The following ROBO1 variants were observed in gnomAD, a reference collection of about 807,000 sequenced individuals.
ROBO1 encodes the protein roundabout guidance receptor 1.
In ROBO1, 149 loss-of-function variants were observed where a neutral mutation model predicts 195.9. The observed-to-expected ratio is 0.76, with a 90% confidence interval of 0.67 to 0.87. ROBO1 has a LOEUF of 0.87. Ranked by LOEUF, ROBO1 falls within the 40% of genes least tolerant of loss-of-function variation. The pLI is 0.00. For synonymous variants in ROBO1, 816 were observed against 733.2 expected (o/e 1.11, Z -1.82); for missense variants, 1,933 against 2,068.3 (o/e 0.93, Z 1.27).
At chr3:78,650,422 G>T (rs1416115755) in intron 19 of ROBO1, among the ~76,000 whole-genome samples, 1 of 152,156 alleles carries the variant, frequency 6.6e-6, no homozygotes, top group Non-Finnish European at 1.5e-5. Context: ...CAGGCAGGCG[G>T]CAAGGAGATT....
chr3:79,371,252 G>T (rs188003883), intron 2 of ROBO1, among the ~76,000 whole-genome samples: 3 of 152,220 alleles, frequency 2.0e-5, no homozygotes, highest in Admixed American at 1.3e-4. Context: ...GACCCTGGAG[G>T]AATTGACACA....
chr3:79,693,422 TC>T (rs1947353459), intron 1 of ROBO1, among the ~76,000 whole-genome samples: 1 of 134,884 alleles, frequency 7.4e-6, no homozygotes. Flanking sequence ...TGTGTGTGTG[TC>T]CTTGTTTTTT....
At chr3:78,752,997 C>T (rs1206435683) in intron 4 of ROBO1, among the ~76,000 whole-genome samples, 1 of 152,034 alleles carries the variant, frequency 6.6e-6, no homozygotes, top group African/African-American at 2.4e-5. Flanking sequence ...TTGGACAAAA[C>T]TCTTATGTCC....
chr3:79,744,449 A>G (rs1339164874), intron 1 of ROBO1, among the ~76,000 whole-genome samples: 1 of 152,196 alleles, frequency 6.6e-6, no homozygotes, highest in African/African-American at 2.4e-5. Flanking sequence ...TGATGTCTGA[A>G]GGTAGGGCCT....
intron 5 of ROBO1, 71 bp from the exon 6 acceptor site, chr3:78,717,954 T>A (rs2081944884): frequency 7.0e-7 from 1 of 1,433,464 alleles, no homozygotes; most frequent in Non-Finnish European, 9.7e-7. Context: ...GATGTCTTCA[T>A]AAGTGAAGAC....
At chr3:79,022,934 A>G (rs1022823597) in intron 3 of ROBO1, among the ~76,000 whole-genome samples, 1 of 152,152 alleles carries the variant, frequency 6.6e-6, no homozygotes, top group Non-Finnish European at 1.5e-5. Flanking sequence ...CAATGATTAT[A>G]TCTTTCATGG....
chr3:79,555,386 A>G (rs1464660296), intron 2 of ROBO1, among the ~76,000 whole-genome samples: 1 of 152,146 alleles, frequency 6.6e-6, no homozygotes, highest in African/African-American at 2.4e-5. Context: ...ATGATTAATT[A>G]GAATAGTCAT....
intron 3 of ROBO1, among the ~76,000 whole-genome samples, chr3:79,038,665 CAGTCAAAAATAATCT>C (rs927843976): frequency 6.7e-6 from 1 of 149,658 alleles, no homozygotes; most frequent in African/African-American, 2.5e-5. Flanking sequence ...TTTTAAAATT[CAGTCAAAAATAATCT>C]ATGAAACATT....
At chr3:79,414,644 C>T (rs1410538015) in intron 2 of ROBO1, among the ~76,000 whole-genome samples, 3 of 152,032 alleles carry the variant, frequency 2.0e-5, no homozygotes, top group African/African-American at 7.2e-5. Flanking sequence ...ACACTTTAGT[C>T]TGCTATAATC....
At chr3:79,496,944 T>C (rs1006430825) in intron 2 of ROBO1, among the ~76,000 whole-genome samples, 7 of 152,230 alleles carry the variant, frequency 4.6e-5, no homozygotes, top group Non-Finnish European at 8.8e-5. Context: ...AATGTTGCTT[T>C]GCTCTCTTAA....
intron 3 of ROBO1, among the ~76,000 whole-genome samples, chr3:79,071,267 G>A (rs990096482): frequency 6.6e-6 from 1 of 151,070 alleles, no homozygotes; most frequent in Non-Finnish European, 1.5e-5. Context: ...CATTTGATTT[G>A]TTTTTTTAAA....
rs552437671 is a variant in ROBO1 at position 79,351,520 on chromosome 3, C to A, written c.89-225981G>T. ...TTTTAAATAACAGTGAACCAAAAAA[C>A]CAAAAAGATATTTTATTTTTACAAA... On this transcript the variant is annotated intron_variant, in intron 2 of 30. Coordinates refer to ENST00000464233, the MANE Select transcript of ROBO1 (RefSeq NM_002941.4). Among the ~76,000 whole-genome samples, 296 of 152,058 alleles carry A rather than the reference C, an allele frequency of 1.9e-3. 1 individual carries two copies. Among genetic ancestry groups the A allele is most frequent in the African/African-American group, 6.2e-3 (257 of 41,476 alleles).
rs146583515 is a variant in ROBO1, at chr3:78,661,800, A to G, written c.2088+193T>C. On this transcript the variant is annotated intron_variant, in intron 15 of 30. Transcript: ENST00000464233. ...AGGTCAAGTTCACTACTGCAGCACA[A>G]TAGGAAAAAAATAGGCTCAAGATGC... 4.1e-4 allele frequency among the ~76,000 whole-genome samples: 63 copies of G among 152,304 alleles called. No homozygotes were observed. The East Asian group carries it at 9.6e-3, about 23-fold the overall frequency.
rs573813266 is a variant in ROBO1, at chr3:78,881,221, C to T, written c.499+57380G>A. 2.6e-5 allele frequency among the ~76,000 whole-genome samples: 4 copies of T among 152,224 alleles called. No homozygotes were observed. The South Asian group carries it at 6.2e-4, about 24-fold the overall frequency. Reference sequence around the variant, plus strand: ...ATTGATGAGAGGATTCTGAGCTGTACGAAGGAGAAGAGACTGCTGGAAATT... The same window carrying T: ...ATTGATGAGAGGATTCTGAGCTGTATGAAGGAGAAGAGACTGCTGGAAATT... On this transcript the variant is annotated intron_variant, in intron 4 of 30. Coordinates refer to ENST00000464233, the MANE Select transcript of ROBO1 (RefSeq NM_002941.4).
chr3:79,678,093 T>G (rs771475517), intron 1 of ROBO1, among the ~76,000 whole-genome samples: 2 of 152,078 alleles, frequency 1.3e-5, no homozygotes, highest in African/African-American at 2.4e-5. Context: ...ATAGCAGGGT[T>G]CACAGAGAGA....
chr3:78,609,501 C>T (rs1485937447), intron 28 of ROBO1, among the ~76,000 whole-genome samples: 2 of 152,186 alleles, frequency 1.3e-5, no homozygotes, highest in African/African-American at 2.4e-5. Context: ...CACACAGAGA[C>T]AGCCTTCCTT....
At chr3:79,375,707 A>G (rs1439874632) in intron 2 of ROBO1, among the ~76,000 whole-genome samples, 1 of 152,224 alleles carries the variant, frequency 6.6e-6, no homozygotes, top group Non-Finnish European at 1.5e-5. Flanking sequence ...AGACAGGTCA[A>G]TGGAATAGCA....
At chr3:79,029,311 A>G (rs988402168) in intron 3 of ROBO1, among the ~76,000 whole-genome samples, 1 of 152,094 alleles carries the variant, frequency 6.6e-6, no homozygotes, top group Non-Finnish European at 1.5e-5. Flanking sequence ...AAAAGTCATC[A>G]TCTCTTATGC....
intron 1 of ROBO1, among the ~76,000 whole-genome samples, chr3:79,630,667 C>T (rs1464107056): frequency 1.3e-5 from 2 of 151,800 alleles, no homozygotes; most frequent in African/African-American, 4.8e-5. Flanking sequence ...AAAAGGCATC[C>T]AAATTATAAA....
Sources: allele counts gnomAD v4.1 joint callset (sites outside exome capture counted in the v4.1 genomes callset), GRCh38; gene constraint gnomAD v4.1.1; transcripts MANE v1.5; gene names NCBI Gene and HGNC (gene_info 2026-07-23, HGNC 2026-07-21).